Variants in BAIAP2L1 observed in about 807,000 individuals in gnomAD.
BAIAP2L1 encodes the protein BAR/IMD domain-containing adapter protein 2-like 1.
A neutral mutation model predicts 66.3 loss-of-function variants in BAIAP2L1; 35 were observed. The observed-to-expected ratio is 0.53, with a 90% CI of 0.40 to 0.70. BAIAP2L1 has a LOEUF of 0.70. Among genes scored for constraint, BAIAP2L1 ranks in the 30% least tolerant of loss-of-function variants. The pLI, the probability that BAIAP2L1 is intolerant of heterozygous loss-of-function variation, is 0.00. For synonymous variants in BAIAP2L1, 269 were observed against 248.7 expected, an observed-to-expected ratio of 1.08 and a Z score of -0.77; for missense variants, 622 against 656.9, an observed-to-expected ratio of 0.95 and a Z score of 0.58.
At chr7:98,344,230 T>C (rs1801820612) in intron 3 of BAIAP2L1, among the ~76,000 whole-genome samples, 1 of 152,140 alleles carries the variant, frequency 6.6e-6, no homozygotes, top group Non-Finnish European at 1.5e-5. Context: ...TCCCTGGCTG[T>C]AGTTTGCTCA....
intron 2 of BAIAP2L1, among the ~76,000 whole-genome samples, chr7:98,361,675 T>C (rs1398726109): frequency 6.6e-6 from 1 of 152,180 alleles, no homozygotes; most frequent in Non-Finnish European, 1.5e-5. Context: ...TATTTTGAAA[T>C]GAGAACCTAA....
chr7:98,304,927 G>A (rs979442869), intron 11 of BAIAP2L1, among the ~76,000 whole-genome samples: 17 of 149,300 alleles, frequency 1.1e-4, no homozygotes, highest in East Asian at 5.9e-4. Context: ...GTGCAGTGGC[G>A]CGATCTTGGC....
intron 1 of BAIAP2L1, among the ~76,000 whole-genome samples, chr7:98,393,069 A>ATG (rs1453986662): frequency 2.5e-5 from 2 of 79,960 alleles, no homozygotes; most frequent in Non-Finnish European, 5.3e-5. Context: ...GTACACATAT[A>ATG]TGTATACACA....
chr7:98,392,981 A>AT (rs1422650919), intron 1 of BAIAP2L1, among the ~76,000 whole-genome samples: 1 of 150,256 alleles, frequency 6.7e-6, no homozygotes, highest in African/African-American at 2.4e-5. Flanking sequence ...ATATATAGAT[A>AT]TATATATGTA....
intron 11 of BAIAP2L1, among the ~76,000 whole-genome samples, chr7:98,304,972 T>A (rs1180520111): frequency 6.6e-6 from 1 of 151,090 alleles, no homozygotes; most frequent in African/African-American, 2.4e-5. Context: ...TTCAAGTGAT[T>A]CTCCTGCCTC....
chr7:98,321,663 C>T (rs117888231), intron 3 of BAIAP2L1, among the ~76,000 whole-genome samples: 11 of 152,306 alleles, frequency 7.2e-5, no homozygotes, highest in Admixed American at 1.3e-4. Flanking sequence ...AGGAACCAAA[C>T]GGGTTTCCTA....
intron 3 of BAIAP2L1, chr7:98,323,528 A>G (rs946593772): frequency 1.3e-5 from 2 of 152,182 alleles, no homozygotes; most frequent in Non-Finnish European, 2.9e-5. Flanking sequence ...CCACAACCTT[A>G]TATAATGTGG....
At chr7:98,315,639 A>C (rs753329317) in intron 6 of BAIAP2L1, 27 bp from the exon 7 acceptor site, 2 of 1,087,640 alleles carry the variant, frequency 1.8e-6, no homozygotes, top group African/African-American at 3.2e-5. Context: ...AATAATAATA[A>C]TAATTATATA....
At chr7:98,365,382 T>TA (rs202135666) in intron 1 of BAIAP2L1, among the ~76,000 whole-genome samples, 1,960 of 152,334 alleles carry the variant, frequency 0.013, 22 homozygotes, top group Non-Finnish European at 0.018. Flanking sequence ...CGCTAACAGA[T>TA]ATCCTCAACT....
At chr7:98,358,725 A>C (rs1802198353) in intron 2 of BAIAP2L1, among the ~76,000 whole-genome samples, 1 of 151,896 alleles carries the variant, frequency 6.6e-6, no homozygotes, top group African/African-American at 2.4e-5. Context: ...CTACTTGATA[A>C]TTTTTCCTTA....
At chr7:98,328,914 A>G (rs1801435272) in intron 3 of BAIAP2L1, among the ~76,000 whole-genome samples, 1 of 152,200 alleles carries the variant, frequency 6.6e-6, no homozygotes, top group African/African-American at 2.4e-5. Context: ...CTCAAAGGAA[A>G]AACTGTCAAT....
At chr7:98,353,024 T>C (rs917619942) in intron 3 of BAIAP2L1, among the ~76,000 whole-genome samples, 1 of 152,030 alleles carries the variant, frequency 6.6e-6, no homozygotes, top group Non-Finnish European at 1.5e-5. Context: ...CCCCCAAATA[T>C]CCTAGGTTTT....
At chr7:98,385,211 G>A (rs1802858662) in intron 1 of BAIAP2L1, among the ~76,000 whole-genome samples, 1 of 151,744 alleles carries the variant, frequency 6.6e-6, no homozygotes, top group Non-Finnish European at 1.5e-5. Context: ...AGGAGGCAGA[G>A]GTGGGAGGAT....
chr7:98,305,366 A>G (rs1800615325), intron 11 of BAIAP2L1, among the ~76,000 whole-genome samples: 1 of 152,046 alleles, frequency 6.6e-6, no homozygotes, highest in South Asian at 2.1e-4. Flanking sequence ...ACATCCTAAA[A>G]GTGTTACTCA....
Position 98,310,515 on chromosome 7 carries a change from ACTGGTATATGCT to A in BAIAP2L1, c.873_884del (p.Arg291_Thr294del). On this transcript the variant is annotated inframe_deletion, in exon 9 of 14. Transcript: ENST00000005260. Reference sequence around the variant, plus strand: ...GGTTATTAAACATATCGATCAAGGGACTGGTATATGCTCTGCCTGAAGGAGCGGGGGGCATCT... The same window carrying A: ...GGTTATTAAACATATCGATCAAGGGACTGCCTGAAGGAGCGGGGGGCATCT... 1 of 1,606,482 alleles carries A rather than the reference ACTGGTATATGCT, an allele frequency of 6.2e-7. No homozygotes were observed. Among genetic ancestry groups the A allele is most frequent in the Non-Finnish European group, 8.5e-7 (1 of 1,177,908 alleles).
At chr7:98,325,554 T>C (rs983891793) in intron 3 of BAIAP2L1, among the ~76,000 whole-genome samples, 1 of 152,010 alleles carries the variant, frequency 6.6e-6, no homozygotes, top group African/African-American at 2.4e-5. Context: ...GGCGCGTGCC[T>C]GTAGTCCTAG....
chr7:98,310,704 T>TTTA (rs1241140771), intron 8 of BAIAP2L1, 112 bp from the exon 9 acceptor site: 16 of 489,672 alleles, frequency 3.3e-5, no homozygotes, highest in African/African-American at 2.4e-4. Flanking sequence ...TTATTTATTT[T>TTTA]GAGACAGAGT....
intron 2 of BAIAP2L1, among the ~76,000 whole-genome samples, chr7:98,357,657 T>C (rs1802169146): frequency 1.3e-5 from 2 of 151,920 alleles, no homozygotes; most frequent in East Asian, 1.9e-4. Flanking sequence ...AAATGCAATA[T>C]TCTATCTACT....
chr7:98,388,979 A>AAAC (rs1265444742), intron 1 of BAIAP2L1, among the ~76,000 whole-genome samples: 14 of 125,252 alleles, frequency 1.1e-4, no homozygotes, highest in South Asian at 4.5e-4. Flanking sequence ...AATTAAAAAA[A>AAAC]AAAAACAAAA....
Sources: allele counts gnomAD v4.1 joint callset (sites outside exome capture counted in the v4.1 genomes callset), GRCh38; gene constraint gnomAD v4.1.1; transcripts MANE v1.5; gene names NCBI Gene and HGNC (gene_info 2026-07-23, HGNC 2026-07-21).